Variants in CNTLN observed in about 807,000 individuals in gnomAD.
CNTLN encodes centlein, centrosomal protein.
Under a neutral mutation model 180.0 loss-of-function variants are expected in CNTLN, and 212 were observed. The ratio of observed to expected loss-of-function variants is 1.18; its 90% CI spans 1.05 to 1.32. CNTLN has a LOEUF of 1.32. CNTLN is among the 40% of genes most tolerant of loss of function. The pLI is 0.00. For missense variants in CNTLN, 2,095 were observed against 1,610.9 expected (o/e 1.30, Z -5.14); for synonymous variants, 722 against 563.1 (o/e 1.28, Z -3.99).
In CNTLN at chr9:17,348,532, C is replaced by CT. The variant is rs35021719; in HGVS notation, c.1886+6104dup. ...CTCTGCTTTCTTTCTTTCTTTCTTT[C>CT]TTTTTTTTTTTTTTTTGAGACGGAG... On this transcript the variant is annotated intron_variant, in intron 12 of 25. Transcript: ENST00000380647. Among the ~76,000 whole-genome samples, 331 of 140,964 alleles carry CT rather than the reference C, an allele frequency of 2.3e-3. 1 individual carries two copies. Among genetic ancestry groups the CT allele is most frequent in the African/African-American group, 3.3e-3 (126 of 37,780 alleles). 92.5% of individuals were successfully genotyped at this position (140,964 alleles called of 152,430 possible). A position where few individuals can be genotyped will look rare whatever the true frequency, so the allele number is the denominator to read the frequency against.
intron 25 of CNTLN, among the ~76,000 whole-genome samples, chr9:17,495,769 T>A (rs1833420170): frequency 1.3e-5 from 2 of 152,164 alleles, no homozygotes; most frequent in African/African-American, 4.8e-5. Flanking sequence ...CAACTTCCAG[T>A]CCCACAGGCT....
At chr9:17,424,897 C>T (rs758024622) in intron 18 of CNTLN, among the ~76,000 whole-genome samples, 3 of 152,102 alleles carry the variant, frequency 2.0e-5, no homozygotes, top group Non-Finnish European at 2.9e-5. Context: ...GCCTCCCAAA[C>T]CATGAGCTAA....
chr9:17,367,686 T>G (rs1313164766), intron 13 of CNTLN, among the ~76,000 whole-genome samples: 1 of 152,058 alleles, frequency 6.6e-6, no homozygotes, highest in Non-Finnish European at 1.5e-5. Flanking sequence ...CTAGTTAGAT[T>G]TATGAGACCC....
chr9:17,387,570 G>T (rs1258529302), intron 13 of CNTLN, among the ~76,000 whole-genome samples: 1 of 152,056 alleles, frequency 6.6e-6, no homozygotes, highest in Non-Finnish European at 1.5e-5. Flanking sequence ...GTGTAGGAAT[G>T]ATTTGTAGCT....
Position 17,380,591 on chromosome 9 carries a change from C to T in CNTLN, c.1988-7571C>T, listed in dbSNP as rs535357634. Among the ~76,000 whole-genome samples, 6 of 152,262 alleles carry T rather than the reference C, an allele frequency of 3.9e-5. No homozygotes were observed. The South Asian group carries it at 6.2e-4, about 16-fold the overall frequency. ...CCCCCATGAGGTGTGCCAGGTAAAA[C>T]CTTTGTAATTACCTATGACCAAGCC... On this transcript the variant is annotated intron_variant, in intron 13 of 25. Coordinates refer to ENST00000380647, the MANE Select transcript of CNTLN (RefSeq NM_017738.4).
At chr9:17,342,238 T>C in intron 11 of CNTLN, 87 bp from the exon 12 acceptor site, 1 of 1,338,888 alleles carries the variant, frequency 7.5e-7, no homozygotes, top group Non-Finnish European at 1.0e-6. Flanking sequence ...GGTCAATAGA[T>C]ATTTTTAAAT....
chr9:17,471,661 A>G (rs1372932632), intron 23 of CNTLN, among the ~76,000 whole-genome samples: 1 of 152,054 alleles, frequency 6.6e-6, no homozygotes, highest in Non-Finnish European at 1.5e-5. Context: ...GTGTAGAGTG[A>G]CACTTTTTAA....
At chr9:17,265,334 G>A (rs1827336765) in intron 5 of CNTLN, among the ~76,000 whole-genome samples, 1 of 152,110 alleles carries the variant, frequency 6.6e-6, no homozygotes, top group African/African-American at 2.4e-5. Flanking sequence ...TTTATATGCT[G>A]GATTACACTT....
At chr9:17,137,403 T>C (rs989387795) in intron 1 of CNTLN, among the ~76,000 whole-genome samples, 4 of 152,194 alleles carry the variant, frequency 2.6e-5, no homozygotes, top group Non-Finnish European at 5.9e-5. Flanking sequence ...TCTTTTAAAG[T>C]ATACTCTCCC....
At chr9:17,455,802 A>G (rs1831076383) in intron 18 of CNTLN, among the ~76,000 whole-genome samples, 1 of 28,974 alleles carries the variant, frequency 3.5e-5, no homozygotes, top group Non-Finnish European at 9.9e-5. Context: ...AGGTTTGGGG[A>G]GTGGCAGGCA....
intron 23 of CNTLN, among the ~76,000 whole-genome samples, chr9:17,471,268 A>T (rs1040893945): frequency 7.9e-5 from 12 of 151,994 alleles, no homozygotes; most frequent in African/African-American, 2.7e-4. Flanking sequence ...AAAAAGTCCA[A>T]GCAATCCATA....
rs1331537080 is a variant in CNTLN at position 17,312,343 on chromosome 9, TTATATATATATATATATATATTATA to T, written c.1341+3108_1341+3132del. ...GTAGTACTCGATAAGATTACTGTAT[TTATATATATATATATATATATTATA>T]TATATATATATATATAATTTATTTA... On this transcript the variant is annotated intron_variant, in intron 8 of 25. Coordinates refer to ENST00000380647, the MANE Select transcript of CNTLN (RefSeq NM_017738.4). Among the ~76,000 whole-genome samples the T allele has an allele frequency of 1.6e-4, 5 of 30,378 alleles. 1 individual carries two copies. Among genetic ancestry groups the T allele is most frequent in the African/African-American group, 2.7e-4 (3 of 10,986 alleles). 19.9% of individuals were successfully genotyped at this position (30,378 alleles called of 152,430 possible).
At chr9:17,342,501 C>T in intron 12 of CNTLN, 57 bp downstream of exon 12, 2 of 1,480,768 alleles carry the variant, frequency 1.4e-6, no homozygotes, top group African/African-American at 1.4e-5. Flanking sequence ...GAAATTTTTT[C>T]ATGGCTTAAA....
chr9:17,445,165 A>ATT, intron 18 of CNTLN, among the ~76,000 whole-genome samples: 1 of 152,252 alleles, frequency 6.6e-6, no homozygotes, highest in South Asian at 2.1e-4. Flanking sequence ...AAAAAACATT[A>ATT]TTGCTTCTCT....
At chr9:17,168,265 T>C (rs1820211893) in intron 2 of CNTLN, 1 of 152,086 alleles carries the variant, frequency 6.6e-6, no homozygotes, top group Admixed American at 6.5e-5. Flanking sequence ...TCTGTCTAAA[T>C]GTGTTTAGAT....
chr9:17,409,168 G>C, intron 15 of CNTLN, 125 bp from the exon 16 acceptor site: 2 of 748,124 alleles, frequency 2.7e-6, no homozygotes, highest in Non-Finnish European at 4.4e-6. Flanking sequence ...ACCAGTAAAT[G>C]CCCACGTTAA....
At chr9:17,416,329 A>G in intron 18 of CNTLN, 140 bp downstream of exon 18, 1 of 591,262 alleles carries the variant, frequency 1.7e-6, no homozygotes, top group South Asian at 3.0e-5. Flanking sequence ...TTACTAGTGT[A>G]ATTAGTTTAA....
intron 6 of CNTLN, among the ~76,000 whole-genome samples, chr9:17,293,599 C>G (rs1239381255): frequency 6.6e-6 from 1 of 152,226 alleles, no homozygotes; most frequent in Non-Finnish European, 1.5e-5. Flanking sequence ...GGAATTCCAT[C>G]TGGGTCCAAA....
chr9:17,468,327 G>T (rs1177584215), intron 23 of CNTLN, among the ~76,000 whole-genome samples: 2 of 151,438 alleles, frequency 1.3e-5, no homozygotes, highest in African/African-American at 2.4e-5. Flanking sequence ...GTATGTACAT[G>T]AAACCCCTGC....
Sources: allele counts gnomAD v4.1 joint callset (sites outside exome capture counted in the v4.1 genomes callset), GRCh38; gene constraint gnomAD v4.1.1; transcripts MANE v1.5; gene names NCBI Gene and HGNC (gene_info 2026-07-23, HGNC 2026-07-21).